ASIC2: variants seen among roughly 807,000 people sequenced by gnomAD.
ASIC2 encodes the protein acid sensing ion channel subunit 2.
A neutral mutation model predicts 57.3 loss-of-function variants in ASIC2; 25 were observed. The observed-to-expected ratio is 0.44, with a 90% confidence interval of 0.32 to 0.61. ASIC2 has a LOEUF of 0.61. ASIC2 is among the 20% of genes least tolerant of loss of function. The pLI, the probability that ASIC2 is intolerant of heterozygous loss-of-function variation, is 0.06. For missense variants in ASIC2, 641 were observed against 738.1 expected (o/e 0.87, Z 1.52); for synonymous variants, 319 against 307.5 (o/e 1.04, Z -0.39).
intron 1 of ASIC2, among the ~76,000 whole-genome samples, chr17:33,501,024 CCCTGATGCCT>C (rs1237299722): frequency 2.0e-5 from 3 of 152,220 alleles, no homozygotes; most frequent in African/African-American, 7.2e-5. Context: ...AGAACGGGAT[CCCTGATGCCT>C]CCATGCTTCT....
chr17:33,392,283 CAG>C (rs1371142841), intron 1 of ASIC2, among the ~76,000 whole-genome samples: 6 of 144,048 alleles, frequency 4.2e-5, no homozygotes, highest in Non-Finnish European at 6.0e-5. Context: ...TTTTTTTTGA[CAG>C]AGTCTTGCTC....
intron 1 of ASIC2, among the ~76,000 whole-genome samples, chr17:34,087,603 G>A (rs1281470450): frequency 6.6e-6 from 1 of 152,158 alleles, no homozygotes; most frequent in Non-Finnish European, 1.5e-5. Context: ...CTAGATTGGG[G>A]AAGTTCTCCT....
intron 1 of ASIC2, among the ~76,000 whole-genome samples, chr17:33,553,276 A>T (rs954683359): frequency 3.3e-5 from 5 of 152,116 alleles, no homozygotes; most frequent in African/African-American, 4.8e-5. Context: ...GTGGTAACTG[A>T]ATATGTGGTT....
chr17:33,093,870 T>C (rs1031531579), intron 2 of ASIC2, among the ~76,000 whole-genome samples: 7 of 152,256 alleles, frequency 4.6e-5, no homozygotes, highest in South Asian at 2.1e-4. Flanking sequence ...AAGAAAAGTT[T>C]ATCTGAATAG....
intron 1 of ASIC2, among the ~76,000 whole-genome samples, chr17:33,513,928 G>T (rs772709999): frequency 6.6e-6 from 1 of 152,204 alleles, no homozygotes; most frequent in African/African-American, 2.4e-5. Flanking sequence ...GACCTTAGAC[G>T]CCATCATAGG....
rs1336434630 is a variant in ASIC2 at position 33,704,016 on chromosome 17, G to C, written c.555+451962C>G. ...ATTTTTATTCTGAGCTCAGGTCACT[G>C]TTCTCTCCCTACTTCCTGAACTTTG... is the stretch of plus-strand genomic sequence containing the variant. On this transcript the variant is annotated intron_variant, in intron 1 of 9. Transcript: ENST00000359872. 3.3e-5 allele frequency among the ~76,000 whole-genome samples: 5 copies of C among 152,256 alleles called. No homozygotes were observed. In the East Asian group the frequency reaches 7.7e-4, roughly 24 times the overall value.
At chr17:33,256,356 G>GA (rs1209832917) in intron 1 of ASIC2, among the ~76,000 whole-genome samples, 2 of 151,918 alleles carry the variant, frequency 1.3e-5, no homozygotes, top group East Asian at 1.9e-4. Context: ...AGTGTGCAAA[G>GA]AAAAAAAAGA....
intron 1 of ASIC2, among the ~76,000 whole-genome samples, chr17:33,641,625 A>G (rs1016108282): frequency 3.3e-5 from 5 of 152,042 alleles, no homozygotes; most frequent in Admixed American, 6.5e-5. Context: ...GCCTCACTTT[A>G]TCATCCCAGA....
chr17:33,615,534 C>A (rs983267400), intron 1 of ASIC2, among the ~76,000 whole-genome samples: 1 of 152,106 alleles, frequency 6.6e-6, no homozygotes, highest in South Asian at 2.1e-4. Context: ...TTGAAGGACT[C>A]CCACTGCTAA....
At chr17:33,032,511 C>T (rs929211049) in intron 3 of ASIC2, among the ~76,000 whole-genome samples, 1 of 129,294 alleles carries the variant, frequency 7.7e-6, no homozygotes, top group Non-Finnish European at 1.6e-5. Flanking sequence ...TGCAGTGGTG[C>T]GATCTCTGCT....
rs369647285 is a variant in ASIC2 at position 33,992,875 on chromosome 17, T to C, written c.555+163103A>G. Among the ~76,000 whole-genome samples, 3 of 152,116 alleles carry C rather than the reference T, an allele frequency of 2.0e-5. No homozygotes were observed. The South Asian group carries it at 6.2e-4, about 32-fold the overall frequency. On this transcript the variant is annotated intron_variant, in intron 1 of 9. Coordinates refer to the ASIC2 transcript ENST00000359872. ...TCAGCAAACCTGGGTACTGACGGGT[T>C]TCAAGCAGGCTGAATGCTATGTATA...
At chr17:33,592,459 A>G (rs915744823) in intron 1 of ASIC2, among the ~76,000 whole-genome samples, 1 of 152,262 alleles carries the variant, frequency 6.6e-6, no homozygotes, top group South Asian at 2.1e-4. Flanking sequence ...AGGGAAGCTT[A>G]GAGGGGGTCA....
chr17:33,067,226 T>A (rs896452450), intron 3 of ASIC2, among the ~76,000 whole-genome samples: 1 of 152,102 alleles, frequency 6.6e-6, no homozygotes, highest in Non-Finnish European at 1.5e-5. Flanking sequence ...CAAGGAAGGA[T>A]TGGAATCTGA....
At chr17:33,835,683 C>T (rs317325) in intron 1 of ASIC2, among the ~76,000 whole-genome samples, 70,064 of 152,082 alleles carry the variant, frequency 0.46, 17,334 homozygotes, top group East Asian at 0.81. Flanking sequence ...GCTATGCTCT[C>T]CTGACTTCTA....
chr17:33,881,635 T>C (rs1185080756), intron 1 of ASIC2, among the ~76,000 whole-genome samples: 3 of 152,158 alleles, frequency 2.0e-5, no homozygotes, highest in Non-Finnish European at 4.4e-5. Flanking sequence ...TGGAAGAACA[T>C]TCCATGCTCA....
chr17:34,058,310 C>T (rs1567804069), intron 1 of ASIC2, among the ~76,000 whole-genome samples: 1 of 152,164 alleles, frequency 6.6e-6, no homozygotes, highest in African/African-American at 2.4e-5. Context: ...CATGTGCCAC[C>T]TCACTGGGTC....
intron 1 of ASIC2, among the ~76,000 whole-genome samples, chr17:33,299,847 G>A (rs1441982384): frequency 6.6e-6 from 1 of 152,202 alleles, no homozygotes; most frequent in Non-Finnish European, 1.5e-5. Context: ...GGAGAACCCT[G>A]TGAAGTGGGA....
intron 1 of ASIC2, among the ~76,000 whole-genome samples, chr17:34,044,890 TA>T (rs1908280042): frequency 1.3e-5 from 2 of 152,222 alleles, no homozygotes; most frequent in South Asian, 4.1e-4. Flanking sequence ...TACTTGGAGT[TA>T]CTCTGATTTA....
In ASIC2 at chr17:33,087,575, G is replaced by GTTTTTTTT. The variant is rs5820015; in HGVS notation, c.987+1280_987+1287dup. 1.6e-3 allele frequency among the ~76,000 whole-genome samples: 174 copies of GTTTTTTTT among 111,022 alleles called. 7 individuals carry two copies. Among genetic ancestry groups the GTTTTTTTT allele is most frequent in the African/African-American group, 5.6e-3 (155 of 27,696 alleles). The allele number at this position is 111,022 out of a possible 152,430, so 72.8% of individuals were successfully genotyped here. On this transcript the variant is annotated intron_variant, in intron 3 of 9. Transcript: ENST00000225823. Reference sequence around the variant, plus strand: ...GCTCACGTATAGATTTACAACCAGTGTTTTTTTTTTTTTTTTTTTTGAGAC... The same window carrying GTTTTTTTT: ...GCTCACGTATAGATTTACAACCAGTGTTTTTTTTTTTTTTTTTTTTTTTTTTTTGAGAC...
Sources: gnomAD v4.1 joint callset for allele counts (sites outside exome capture counted in the v4.1 genomes callset) on GRCh38, gnomAD v4.1.1 for gene constraint, MANE v1.5 for transcripts, NCBI Gene and HGNC (gene_info 2026-07-23, HGNC 2026-07-21) for gene names.